The following NBEAL1 variants were observed in gnomAD, a reference collection of about 807,000 sequenced individuals.
NBEAL1 encodes the protein neurobeachin-like protein 1.
In NBEAL1, 273 loss-of-function variants were observed where a neutral mutation model predicts 351.3. That is an observed-to-expected ratio of 0.78 (90% CI 0.70 to 0.86). The LOEUF (loss-of-function observed/expected upper bound fraction) is 0.86. NBEAL1 is among the 40% of genes least tolerant of loss of function. The pLI is 0.00. For missense variants in NBEAL1, 2,961 were observed against 3,201.3 expected (o/e 0.92, Z 1.81); for synonymous variants, 1,050 against 1,086.4 (o/e 0.97, Z 0.66).
chr2:203,222,268 G>A lies in NBEAL1; in HGVS notation c.*4914G>A, dbSNP rs535237161. On this transcript the variant is annotated 3_prime_UTR_variant, in exon 56 of 56. Transcript: ENST00000683969. ...TGGATATTACAGATCAGACTTCTCTGTGGAGTTTATAAATATACAGATATG... is the reference window on the plus strand; with the variant it reads ...TGGATATTACAGATCAGACTTCTCTATGGAGTTTATAAATATACAGATATG... Among the ~76,000 whole-genome samples the A allele has an allele frequency of 1.4e-4, 22 of 152,296 alleles. No homozygotes were observed. Among genetic ancestry groups the A allele is most frequent in the Non-Finnish European group, 3.1e-4 (21 of 68,034 alleles).
At chr2:203,161,018 C>A (rs562568361) in intron 36 of NBEAL1, among the ~76,000 whole-genome samples, 1 of 152,156 alleles carries the variant, frequency 6.6e-6, no homozygotes, top group South Asian at 2.1e-4. Flanking sequence ...CATGGTGAGA[C>A]CCTCTCTCTA....
Position 203,185,983 on chromosome 2 carries a change from A to G in NBEAL1, c.6706-2489A>G, listed in dbSNP as rs765651829. On this transcript the variant is annotated intron_variant, in intron 44 of 55. Transcript: ENST00000683969. ...TCTGGTCACAAATTATTTTCCTCCT[A>G]CATGCAAAATATATTCACTTCCTCT... Among the ~76,000 whole-genome samples the G allele has an allele frequency of 3.3e-5, 5 of 152,212 alleles. No homozygotes were observed. The South Asian group carries it at 6.2e-4, about 19-fold the overall frequency.
At chr2:203,097,384 C>A (rs2062206557) in intron 10 of NBEAL1, among the ~76,000 whole-genome samples, 163 bp from the exon 11 acceptor site, 1 of 152,128 alleles carries the variant, frequency 6.6e-6, no homozygotes, top group Admixed American at 6.5e-5. Context: ...AGTTCATAAT[C>A]CAAAAAGTGA....
At chr2:203,061,913 C>T (rs1359149815) in intron 6 of NBEAL1, 3 of 207,002 alleles carry the variant, frequency 1.4e-5, no homozygotes. Context: ...AATCCATTAT[C>T]ACTGTGCATT....
chr2:203,092,605 G>C (rs1367945233), intron 10 of NBEAL1, among the ~76,000 whole-genome samples: 2 of 152,042 alleles, frequency 1.3e-5, no homozygotes, highest in Non-Finnish European at 2.9e-5. Context: ...CATGTATCAT[G>C]ATGGTATCAG....
rs928783234 is a variant in NBEAL1 at position 203,179,325 on chromosome 2, C to T, written c.6465-1057C>T. On this transcript the variant is annotated intron_variant, in intron 42 of 55. Coordinates refer to ENST00000683969, the MANE Select transcript of NBEAL1 (RefSeq NM_001378026.1). Reference sequence around the variant, plus strand: ...TAAATTTAAATAAATAAAATTAAGCCGGGAGCAGTGGCCTGGGCCTCTTAG... The same window carrying T: ...TAAATTTAAATAAATAAAATTAAGCTGGGAGCAGTGGCCTGGGCCTCTTAG... Among the ~76,000 whole-genome samples, 45 of 152,106 alleles carry T rather than the reference C, an allele frequency of 3.0e-4. No individual in the cohort carries two copies. In the Middle Eastern group the frequency reaches 0.014, roughly 46 times the overall value.
chr2:203,077,748 A>T lies in NBEAL1; in HGVS notation c.599-4A>T. Reference sequence around the variant, plus strand: ...TTATTTATTTATTTATTTATTATTTACAGAATGTTTTCAGGAAAGTGAACA... The same window carrying T: ...TTATTTATTTATTTATTTATTATTTTCAGAATGTTTTCAGGAAAGTGAACA... On this transcript the variant is annotated splice_polypyrimidine_tract_variant and splice_region_variant and intron_variant, in intron 7 of 55. Coordinates refer to ENST00000683969, the MANE Select transcript of NBEAL1 (RefSeq NM_001378026.1). 1 of 1,338,480 alleles carries T rather than the reference A, an allele frequency of 7.5e-7. No individual in the cohort carries two copies. The highest frequency in any genetic ancestry group is 2.7e-5 in the East Asian group (1 of 36,466). 82.9% of individuals were successfully genotyped at this position (1,338,480 alleles called of 1,614,324 possible). A position where few individuals can be genotyped will look rare whatever the true frequency, so the allele number is the denominator to read the frequency against.
intron 38 of NBEAL1, among the ~76,000 whole-genome samples, chr2:203,169,388 TAA>T (rs1208449990): frequency 4.5e-5 from 4 of 89,628 alleles, no homozygotes; most frequent in African/African-American, 8.9e-5. Flanking sequence ...TTGAATATAG[TAA>T]AAAAAAAAAA....
Position 203,128,885 on chromosome 2 carries a change from C to G in NBEAL1, c.3405+948C>G, listed in dbSNP as rs551098949. Among the ~76,000 whole-genome samples the G allele has an allele frequency of 3.9e-4, 59 of 152,276 alleles. 1 individual carries two copies. The South Asian group carries it at 9.3e-3, about 24-fold the overall frequency. On this transcript the variant is annotated intron_variant, in intron 24 of 55. Coordinates refer to ENST00000683969, the MANE Select transcript of NBEAL1 (RefSeq NM_001378026.1). Reference sequence around the variant, plus strand: ...TGCTGGGATTACAGGCATCAGCCACCATGCCCAGCCATTAGTAGGTAGATT... The same window carrying G: ...TGCTGGGATTACAGGCATCAGCCACGATGCCCAGCCATTAGTAGGTAGATT...
chr2:203,138,435 A>G, intron 30 of NBEAL1, 120 bp downstream of exon 30: 1 of 1,089,880 alleles, frequency 9.2e-7, no homozygotes, highest in Non-Finnish European at 1.3e-6. Flanking sequence ...AACAAGGATA[A>G]GATGTGATGA....
At chr2:203,145,797 C>CAAAAAAA (rs56382460) in intron 33 of NBEAL1, among the ~76,000 whole-genome samples, 1 of 86,132 alleles carries the variant, frequency 1.2e-5, no homozygotes, top group African/African-American at 4.5e-5. Flanking sequence ...GACTCCATCT[C>CAAAAAAA]AAAAAAAAAA....
chr2:203,090,112 T>A (rs897998471), intron 10 of NBEAL1, among the ~76,000 whole-genome samples: 1 of 152,244 alleles, frequency 6.6e-6, no homozygotes, highest in African/African-American at 2.4e-5. Flanking sequence ...CACATTTAAA[T>A]TAATTATTAC....
In NBEAL1 at chr2:203,083,258, G is replaced by GTTCTTA; in HGVS notation, c.726_731dup (p.Leu243_Met244insIleLeu). 6.4e-7 allele frequency: 1 copy of GTTCTTA among 1,551,978 alleles called. No homozygotes were observed. The highest frequency in any genetic ancestry group is 8.7e-7 in the Non-Finnish European group (1 of 1,147,042). On this transcript the variant is annotated inframe_insertion, in exon 9 of 56. Coordinates refer to ENST00000683969, the MANE Select transcript of NBEAL1 (RefSeq NM_001378026.1). ...AGCAATTTCTCCAGCCACTATGGAA[G>GTTCTTA]TTCTTATGCGAGTATTGGCAGATTG...
At chr2:203,048,346 C>T (rs1440271035) in intron 3 of NBEAL1, among the ~76,000 whole-genome samples, 3 of 144,948 alleles carry the variant, frequency 2.1e-5, no homozygotes, top group Non-Finnish European at 4.5e-5. Context: ...CGCGCCACTG[C>T]ACTCCAGCCT....
At chr2:203,057,119 A>G (rs1227278475) in intron 5 of NBEAL1, among the ~76,000 whole-genome samples, 1 of 152,128 alleles carries the variant, frequency 6.6e-6, no homozygotes, top group Non-Finnish European at 1.5e-5. Flanking sequence ...CTTCTTACTG[A>G]AAACATATTA....
intron 12 of NBEAL1, among the ~76,000 whole-genome samples, chr2:203,104,069 GTA>G (rs1288470759): frequency 6.6e-6 from 1 of 152,150 alleles, no homozygotes; most frequent in African/African-American, 2.4e-5. Flanking sequence ...TGTGAAGAAT[GTA>G]TATTCTCTTG....
At chr2:203,081,939 A>G (rs938603234) in intron 8 of NBEAL1, among the ~76,000 whole-genome samples, 5 of 152,184 alleles carry the variant, frequency 3.3e-5, no homozygotes, top group African/African-American at 4.8e-5. Context: ...TGTCTCTACA[A>G]AAAAGTTTTT....
intron 36 of NBEAL1, among the ~76,000 whole-genome samples, chr2:203,165,049 C>T (rs1172828097): frequency 2.6e-5 from 4 of 151,956 alleles, no homozygotes; most frequent in African/African-American, 4.8e-5. Flanking sequence ...TTAGTAGAGA[C>T]GGAGTTTCTC....
At chr2:203,155,273 GA>G (rs1402547776) in intron 35 of NBEAL1, among the ~76,000 whole-genome samples, 1 of 149,832 alleles carries the variant, frequency 6.7e-6, no homozygotes, top group East Asian at 2.0e-4. Context: ...ATTGATTTAA[GA>G]AATTTTTTTT....
Sources: allele counts gnomAD v4.1 joint callset (sites outside exome capture counted in the v4.1 genomes callset), GRCh38; gene constraint gnomAD v4.1.1; transcripts MANE v1.5; gene names NCBI Gene and HGNC (gene_info 2026-07-23, HGNC 2026-07-21).